CNTN6: variants seen among roughly 807,000 people sequenced by gnomAD.
CNTN6 encodes the protein contactin-6.
In CNTN6, 137 loss-of-function variants were observed where a neutral mutation model predicts 122.8. The observed-to-expected ratio is 1.12, with a 90% confidence interval of 0.97 to 1.29. The LOEUF (loss-of-function observed/expected upper bound fraction) is 1.29. CNTN6 is among the 50% of genes most tolerant of loss of function. The pLI is 0.00. For missense variants in CNTN6, 1,634 were observed against 1,223.4 expected (o/e 1.34, Z -5.01); for synonymous variants, 570 against 426.0 (o/e 1.34, Z -4.16).
chr3:1,102,291 G>C (rs1014001758), intron 1 of CNTN6, among the ~76,000 whole-genome samples: 1 of 152,120 alleles, frequency 6.6e-6, no homozygotes, highest in Non-Finnish European at 1.5e-5. Flanking sequence ...CAATATACTT[G>C]CTGGAATAGA....
At chr3:1,278,001 T>C (rs192445434) in intron 4 of CNTN6, among the ~76,000 whole-genome samples, 3 of 152,338 alleles carry the variant, frequency 2.0e-5, no homozygotes, top group African/African-American at 7.2e-5. Flanking sequence ...TCCTAAATTC[T>C]CATAGATGCC....
chr3:1,099,234 G>C (rs906939805), intron 1 of CNTN6, among the ~76,000 whole-genome samples: 3 of 151,986 alleles, frequency 2.0e-5, no homozygotes, highest in Admixed American at 1.3e-4. Context: ...GGCGGATCAC[G>C]AGGTCAGGAG....
chr3:1,396,736 ATTTTC>A (rs1439092874), intron 20 of CNTN6, among the ~76,000 whole-genome samples: 4 of 152,246 alleles, frequency 2.6e-5, no homozygotes, highest in Non-Finnish European at 4.4e-5. Flanking sequence ...TTGTTGCAGA[ATTTTC>A]TTTTCTTTAA....
intron 7 of CNTN6, among the ~76,000 whole-genome samples, chr3:1,301,195 C>T (rs1375051353): frequency 6.6e-6 from 1 of 151,966 alleles, no homozygotes; most frequent in Non-Finnish European, 1.5e-5. Flanking sequence ...TGCCACCACA[C>T]CCAGCTAATT....
At chr3:1,385,071 C>T (rs1311695148) in intron 19 of CNTN6, among the ~76,000 whole-genome samples, 1 of 151,940 alleles carries the variant, frequency 6.6e-6, no homozygotes, top group African/African-American at 2.4e-5. Flanking sequence ...TTTTCACATA[C>T]ACTGTGGATT....
chr3:1,167,205 C>G (rs981228794), intron 2 of CNTN6, among the ~76,000 whole-genome samples: 1 of 152,130 alleles, frequency 6.6e-6, no homozygotes, highest in Admixed American at 6.5e-5. Flanking sequence ...CACCTTACTA[C>G]TTGTGTGGCA....
intron 20 of CNTN6, among the ~76,000 whole-genome samples, chr3:1,389,635 T>C (rs986008893): frequency 6.9e-6 from 1 of 144,448 alleles, no homozygotes; most frequent in Non-Finnish European, 1.6e-5. Flanking sequence ...GGATAAACAG[T>C]CAAGACCCAT....
intron 2 of CNTN6, among the ~76,000 whole-genome samples, chr3:1,171,614 A>C (rs568921043): frequency 1.3e-5 from 2 of 151,502 alleles, no homozygotes; most frequent in Non-Finnish European, 2.9e-5. Context: ...ACTGCTCTAT[A>C]CTCTTTTTTT....
intron 1 of CNTN6, among the ~76,000 whole-genome samples, chr3:1,130,026 T>C (rs2092294858): frequency 6.6e-6 from 1 of 152,094 alleles, no homozygotes; most frequent in Non-Finnish European, 1.5e-5. Flanking sequence ...ATCTTTAATT[T>C]TTAGTGTGAT....
At position 1,147,964 on chromosome 3, in the gene CNTN6, T is replaced by C. The variant is rs1215048508; in HGVS notation, c.-45T>C. The C allele has an allele frequency of 1.4e-6, 2 of 1,452,434 alleles. No homozygotes were observed. The highest frequency in any genetic ancestry group is 2.3e-5 in the South Asian group (2 of 86,754). 90.0% of individuals were successfully genotyped at this position (1,452,434 alleles called of 1,614,324 possible). A position where few individuals can be genotyped will look rare whatever the true frequency, so the allele number is the denominator to read the frequency against. ...CTGACTGGAAGATAGACTGTTTTGT[T>C]CCACCTGATTGTATGGGAGAAATTT... On this transcript the variant is annotated 5_prime_UTR_variant, in exon 2 of 23. Coordinates refer to ENST00000446702, the MANE Select transcript of CNTN6 (RefSeq NM_001289080.2).
intron 5 of CNTN6, among the ~76,000 whole-genome samples, chr3:1,279,733 T>C (rs1693036233): frequency 6.6e-6 from 1 of 152,242 alleles, no homozygotes; most frequent in African/African-American, 2.4e-5. Context: ...CAATTTACTT[T>C]TAATGTTAAA....
intron 4 of CNTN6, among the ~76,000 whole-genome samples, chr3:1,237,751 T>G (rs755220507): frequency 1.3e-5 from 2 of 152,144 alleles, no homozygotes; most frequent in Non-Finnish European, 2.9e-5. Context: ...ATTTTTAGCC[T>G]CCTTAAACAA....
chr3:1,118,676 A>G (rs1293557270), intron 1 of CNTN6, among the ~76,000 whole-genome samples: 1 of 152,132 alleles, frequency 6.6e-6, no homozygotes, highest in African/African-American at 2.4e-5. Context: ...GTTTTCTTCT[A>G]TTCAAGTACT....
chr3:1,379,738 A>G (rs988474558), intron 17 of CNTN6, among the ~76,000 whole-genome samples: 1 of 152,134 alleles, frequency 6.6e-6, no homozygotes, highest in African/African-American at 2.4e-5. Context: ...ATACTTGCAG[A>G]AAGTAAATTA....
In CNTN6 at chr3:1,372,402, A is replaced by G. The variant is rs757458506; in HGVS notation, c.1596A>G (p.Val532=). ...CCCATGACCCCTCCATTGAAGTGGT[A>G]TTTGTATGGTTTTTCAATGGAGATG... ...QVSHDPSIEV[V]FVWFFNGDVI... The change falls in exon 13 of 23, where the codon GTA becomes GTG. Residue 532 remains valine, a synonymous_variant. Transcript: ENST00000446702. The G allele has an allele frequency of 1.2e-5, 20 of 1,613,196 alleles. No individual in the cohort carries two copies. The South Asian group carries it at 2.1e-4, about 17-fold the overall frequency.
rs1438124952 is a variant in CNTN6, at chr3:1,311,427, A to G, written c.762-10223A>G. 5.5e-3 allele frequency among the ~76,000 whole-genome samples: 429 copies of G among 77,360 alleles called. 2 individuals carry two copies. The highest frequency in any genetic ancestry group is 8.7e-3 in the Non-Finnish European group (350 of 40,398). The allele number at this position is 77,360 out of a possible 152,430, so 50.8% of individuals were successfully genotyped here. A position where few individuals can be genotyped will look rare whatever the true frequency, so the allele number is the denominator to read the frequency against. ...ACATATAAAATGTCTTTATATGTAC[A>G]TATATGTACATATAAAATGTCTTTA... On this transcript the variant is annotated intron_variant, in intron 7 of 22. Transcript: ENST00000446702.
chr3:1,152,028 TA>T (rs1185369727), intron 2 of CNTN6, among the ~76,000 whole-genome samples: 1 of 152,228 alleles, frequency 6.6e-6, no homozygotes, highest in Non-Finnish European at 1.5e-5. Flanking sequence ...ATAACCAAAT[TA>T]ATAAACGGAG....
intron 11 of CNTN6, among the ~76,000 whole-genome samples, chr3:1,345,357 T>G (rs144218365): frequency 6.6e-6 from 1 of 151,998 alleles, no homozygotes; most frequent in Non-Finnish European, 1.5e-5. Flanking sequence ...CTCAAGTGAT[T>G]CACCCACCCT....
chr3:1,243,000 TGA>T (rs1176150008), intron 4 of CNTN6, among the ~76,000 whole-genome samples: 2 of 152,220 alleles, frequency 1.3e-5, no homozygotes, highest in East Asian at 1.9e-4. Flanking sequence ...CCTTCCACTG[TGA>T]GAGTTACCCA....
Sources: allele counts gnomAD v4.1 joint callset (sites outside exome capture counted in the v4.1 genomes callset), GRCh38; gene constraint gnomAD v4.1.1; transcripts MANE v1.5; gene names NCBI Gene and HGNC (gene_info 2026-07-23, HGNC 2026-07-21).